SEC22A: variants seen among roughly 807,000 people sequenced by gnomAD.
The protein encoded by SEC22A is vesicle-trafficking protein SEC22a.
Under a neutral mutation model 35.3 loss-of-function variants are expected in SEC22A, and 22 were observed. The observed-to-expected ratio is 0.62, with a 90% CI of 0.45 to 0.89. The LOEUF is 0.89. Among genes scored for constraint, SEC22A ranks in the 40% least tolerant of loss-of-function variants. The pLI, the probability that SEC22A is intolerant of heterozygous loss-of-function variation, is 0.00. For missense variants in SEC22A, 354 were observed against 362.5 expected (o/e 0.98, Z 0.19); for synonymous variants, 119 against 129.5 (o/e 0.92, Z 0.55).
At chr3:123,266,681 G>A (rs1938032883) in intron 6 of SEC22A, among the ~76,000 whole-genome samples, 1 of 152,030 alleles carries the variant, frequency 6.6e-6, no homozygotes, top group Non-Finnish European at 1.5e-5. Flanking sequence ...ATTTGTTGAG[G>A]TTTCTTTTAT....
At chr3:123,224,584 C>A (rs1937187885) in intron 3 of SEC22A, among the ~76,000 whole-genome samples, 1 of 152,042 alleles carries the variant, frequency 6.6e-6, no homozygotes, top group South Asian at 2.1e-4. Flanking sequence ...TCACTTAAGG[C>A]CAGGAGTTCG....
chr3:123,255,270 G>A (rs945905191), intron 5 of SEC22A, among the ~76,000 whole-genome samples: 9 of 151,512 alleles, frequency 5.9e-5, no homozygotes, highest in Non-Finnish European at 1.0e-4. Context: ...GTTTTCTCCC[G>A]TTTTGTTTTG....
intron 5 of SEC22A, among the ~76,000 whole-genome samples, chr3:123,257,772 C>T (rs1387419416): frequency 1.3e-5 from 2 of 151,982 alleles, no homozygotes; most frequent in African/African-American, 4.8e-5. Flanking sequence ...GGGCAGATCA[C>T]AAGGTCAGGA....
At chr3:123,214,417 T>A (rs1297320594) in intron 2 of SEC22A, among the ~76,000 whole-genome samples, 1 of 152,166 alleles carries the variant, frequency 6.6e-6, no homozygotes, top group Non-Finnish European at 1.5e-5. Context: ...GTTTTAGGAA[T>A]ATGACAGCAT....
chr3:123,235,056 T>C (rs72958574), intron 4 of SEC22A, among the ~76,000 whole-genome samples: 29,651 of 150,956 alleles, frequency 0.2, 3,021 homozygotes, highest in Middle Eastern at 0.28. Context: ...GTGGACATCA[T>C]CAAAGCTAAA....
intron 2 of SEC22A, among the ~76,000 whole-genome samples, chr3:123,218,720 G>A (rs1180651330): frequency 2.0e-5 from 3 of 152,164 alleles, no homozygotes; most frequent in Admixed American, 2.0e-4. Flanking sequence ...TTATTGAGCT[G>A]CTGCTTTGTG....
In SEC22A at chr3:123,203,053, C is replaced by CTTTTTTTTTTTTTTTT. The variant is rs779433710; in HGVS notation, c.-20+1086_-20+1101dup. On this transcript the variant is annotated intron_variant, in intron 1 of 6. Coordinates refer to ENST00000492595, the MANE Select transcript of SEC22A (RefSeq NM_012430.5). ...GAAAACCATCACATCTGTTTAGTGCCTTTTTTTTTTTTTTTTTTTTTTTTT... is the reference window on the plus strand; with the variant it reads ...GAAAACCATCACATCTGTTTAGTGCCTTTTTTTTTTTTTTTTTTTTTTTTTTTTTTTTTTTTTTTTT... Among the ~76,000 whole-genome samples, 18 of 43,836 alleles carry CTTTTTTTTTTTTTTTT rather than the reference C, an allele frequency of 4.1e-4. 4 individuals are homozygous for CTTTTTTTTTTTTTTTT. Among genetic ancestry groups the CTTTTTTTTTTTTTTTT allele is most frequent in the African/African-American group, 9.5e-4 (9 of 9,428 alleles). 28.8% of individuals were successfully genotyped at this position (43,836 alleles called of 152,430 possible).
intron 4 of SEC22A, among the ~76,000 whole-genome samples, chr3:123,242,844 G>A (rs1937536455): frequency 6.6e-6 from 1 of 151,950 alleles, no homozygotes; most frequent in African/African-American, 2.4e-5. Context: ...CATTCTGAAG[G>A]GTAAATGAGA....
intron 6 of SEC22A, 21 bp from the exon 7 acceptor site, chr3:123,271,501 T>G (rs1325497263): frequency 6.3e-7 from 1 of 1,595,566 alleles, no homozygotes; most frequent in Non-Finnish European, 8.6e-7. Context: ...TAATCATCTT[T>G]CATTTTTATA....
Position 123,203,988 on chromosome 3 carries a change from AGG to A in SEC22A, c.-20+2003_-20+2004del, listed in dbSNP as rs1936803801. On this transcript the variant is annotated intron_variant, in intron 1 of 6. Coordinates refer to ENST00000492595, the MANE Select transcript of SEC22A (RefSeq NM_012430.5). ...ACACTGCTAGTGAGGTAGAAGGCAT[AGG>A]CAAAATGGCGGAAATTCCATCCCCT... Among the ~76,000 whole-genome samples the A allele has an allele frequency of 2.0e-5, 3 of 152,342 alleles. No individual in the cohort carries two copies. In the South Asian group the frequency reaches 6.2e-4, roughly 32 times the overall value.
intron 4 of SEC22A, among the ~76,000 whole-genome samples, chr3:123,225,504 G>A (rs558254427): frequency 3.4e-4 from 51 of 152,170 alleles, no homozygotes; most frequent in African/African-American, 1.2e-3. Context: ...CAACCTCAGA[G>A]GATCTCTTTG....
intron 4 of SEC22A, among the ~76,000 whole-genome samples, chr3:123,234,977 C>T (rs1163139552): frequency 1.3e-5 from 2 of 150,890 alleles, no homozygotes; most frequent in Non-Finnish European, 2.9e-5. Flanking sequence ...GAGCTGAGAT[C>T]GTGCCACTGC....
chr3:123,261,572 CTG>C (rs10576153), intron 6 of SEC22A, among the ~76,000 whole-genome samples: 29,845 of 152,102 alleles, frequency 0.2, 3,023 homozygotes, highest in Middle Eastern at 0.27. Flanking sequence ...TTATCTAAAA[CTG>C]TGAGGTATTT....
In SEC22A at chr3:123,225,194, G is replaced by C; in HGVS notation, c.438G>C (p.Lys146Asn). ...INLSDMQTEI[K>N]LRPPYQISMC... ...TTTCTGACATGCAGACGGAAATCAA[G>C]CTGAGGCCTCCTTATCAAATTTCCA... Residue 146 changes from lysine (K) to asparagine (N), a missense_variant, in exon 4 of 7, where the codon AAG (lysine) becomes AAC (asparagine). Lys to Asn is a moderately conservative substitution (Grantham distance 94). Coordinates refer to ENST00000492595, the MANE Select transcript of SEC22A (RefSeq NM_012430.5). The C allele has an allele frequency of 1.9e-6, 3 of 1,613,514 alleles. No individual in the cohort carries two copies. Among genetic ancestry groups the C allele is most frequent in the Non-Finnish European group, 2.5e-6 (3 of 1,179,494 alleles).
intron 5 of SEC22A, among the ~76,000 whole-genome samples, chr3:123,249,264 T>C (rs1457708068): frequency 6.6e-6 from 1 of 152,080 alleles, no homozygotes; most frequent in Admixed American, 6.6e-5. Context: ...CCCCATCTTT[T>C]AGGGATTTTT....
chr3:123,206,121 C>G (rs1447958421), intron 1 of SEC22A, among the ~76,000 whole-genome samples: 1 of 152,196 alleles, frequency 6.6e-6, no homozygotes, highest in South Asian at 2.1e-4. Context: ...TTTTATTTTA[C>G]TTTTTGAGAC....
At chr3:123,267,582 C>A (rs4677998) in intron 6 of SEC22A, among the ~76,000 whole-genome samples, 1,816 of 152,122 alleles carry the variant, frequency 0.012, 23 homozygotes, top group Admixed American at 0.02. Context: ...TTTTTTTTAA[C>A]CATCAAACAT....
chr3:123,260,530 T>C (rs930426632), intron 6 of SEC22A, among the ~76,000 whole-genome samples: 1 of 152,180 alleles, frequency 6.6e-6, no homozygotes, highest in African/African-American at 2.4e-5. Context: ...ATAGTCACAT[T>C]TCCAAGGCCA....
intron 2 of SEC22A, among the ~76,000 whole-genome samples, chr3:123,209,963 C>CT (rs1936912389): frequency 6.6e-6 from 1 of 152,118 alleles, no homozygotes; most frequent in Non-Finnish European, 1.5e-5. Flanking sequence ...TGGAGAAGCC[C>CT]TTTTTTACAT....
Sources: allele counts gnomAD v4.1 joint callset (sites outside exome capture counted in the v4.1 genomes callset), GRCh38; gene constraint gnomAD v4.1.1; transcripts MANE v1.5; gene names NCBI Gene and HGNC (gene_info 2026-07-23, HGNC 2026-07-21).